FAM227A: variants seen among roughly 807,000 people sequenced by gnomAD.
The protein encoded by FAM227A is family with sequence similarity 227 member A.
In FAM227A, 80 loss-of-function variants were observed where a neutral mutation model predicts 74.7. That is an observed-to-expected ratio of 1.07 (90% CI 0.89 to 1.29). The LOEUF is 1.29. Ranked by LOEUF, FAM227A falls within the 50% of genes most tolerant of loss-of-function variation. FAM227A has a pLI of 0.00. For missense variants in FAM227A, 654 were observed against 683.4 expected, an observed-to-expected ratio of 0.96 and a Z score of 0.48; for synonymous variants, 237 against 241.8, an observed-to-expected ratio of 0.98 and a Z score of 0.19.
At chr22:38,601,095 A>G (rs1014884811) in intron 13 of FAM227A, among the ~76,000 whole-genome samples, 2 of 152,242 alleles carry the variant, frequency 1.3e-5, no homozygotes, top group African/African-American at 4.8e-5. Flanking sequence ...CTGGAGATTC[A>G]GCAGAGAACA....
At position 38,582,473 on chromosome 22, in the gene FAM227A, T is replaced by G. The variant is rs907773840; in HGVS notation, c.*3652A>C. 1.3e-6 allele frequency: 2 copies of G among 1,494,562 alleles called. No individual in the cohort carries two copies. The highest frequency in any genetic ancestry group is 1.8e-6 in the Non-Finnish European group (2 of 1,099,496). 92.6% of individuals were successfully genotyped at this position (1,494,562 alleles called of 1,614,324 possible). A position where few individuals can be genotyped will look rare whatever the true frequency, so the allele number is the denominator to read the frequency against. The stretch of plus-strand genomic sequence containing the variant: ...ATCCCACATTACAGCAAATGCTTTT[T>G]AAATGTTAGTTCCCTTTGATGCTCT... On this transcript the variant is annotated 3_prime_UTR_variant, in exon 17 of 17. Coordinates refer to ENST00000535113, the MANE Select transcript of FAM227A (RefSeq NM_001013647.2).
rs780955063 is a variant in FAM227A at position 38,650,375 on chromosome 22, G to C, written c.-94-113C>G. On this transcript the variant is annotated intron_variant, in intron 1 of 16. Coordinates refer to ENST00000535113, the MANE Select transcript of FAM227A (RefSeq NM_001013647.2). ...AAAGCACATGTCCCATGCCTGCATGGGGAATGAAAGGGTTCCGTCTGAGAA... is the reference window on the plus strand; with the variant it reads ...AAAGCACATGTCCCATGCCTGCATGCGGAATGAAAGGGTTCCGTCTGAGAA... 3.6e-5 allele frequency: 20 copies of C among 557,504 alleles called. No homozygotes were observed. In the African/African-American group the frequency reaches 3.8e-4, roughly 11 times the overall value. 34.5% of individuals were successfully genotyped at this position (557,504 alleles called of 1,614,324 possible). A position where few individuals can be genotyped will look rare whatever the true frequency, so the allele number is the denominator to read the frequency against.
At chr22:38,626,096 A>G in intron 9 of FAM227A, 84 bp downstream of exon 9, 1 of 1,400,376 alleles carries the variant, frequency 7.1e-7, no homozygotes, top group Non-Finnish European at 9.8e-7. Context: ...AAGGGGTGTC[A>G]TAGCAAACAA....
chr22:38,639,072 C>G (rs1430993711), intron 4 of FAM227A, among the ~76,000 whole-genome samples: 2 of 151,836 alleles, frequency 1.3e-5, no homozygotes, highest in African/African-American at 4.8e-5. Flanking sequence ...GTTTCCTCAT[C>G]TATAAAATAT....
At chr22:38,651,316 C>T (rs1202318204) in intron 1 of FAM227A, among the ~76,000 whole-genome samples, 1 of 152,210 alleles carries the variant, frequency 6.6e-6, no homozygotes, top group Non-Finnish European at 1.5e-5. Flanking sequence ...CTGCTTTCTC[C>T]ACTAGGCAAA....
At chr22:38,637,943 G>C (rs1251428436) in intron 5 of FAM227A, among the ~76,000 whole-genome samples, 1 of 152,196 alleles carries the variant, frequency 6.6e-6, no homozygotes, top group East Asian at 1.9e-4. Context: ...GAGATGGACA[G>C]ATCACTTGAG....
chr22:38,646,601 T>C (rs999019349), intron 2 of FAM227A, among the ~76,000 whole-genome samples: 2 of 151,856 alleles, frequency 1.3e-5, no homozygotes, highest in African/African-American at 4.8e-5. Context: ...GTATTTACAA[T>C]CTGAGTGTAC....
chr22:38,611,338 G>A (rs1158403399), intron 11 of FAM227A, among the ~76,000 whole-genome samples: 1 of 152,166 alleles, frequency 6.6e-6, no homozygotes, highest in Non-Finnish European at 1.5e-5. Context: ...ACAATCTAGG[G>A]ATGCCTAGAA....
chr22:38,639,636 C>A lies in FAM227A; in HGVS notation c.295+19G>T. 6.4e-7 allele frequency: 1 copy of A among 1,551,338 alleles called. No homozygotes were observed. Among genetic ancestry groups the A allele is most frequent in the Non-Finnish European group, 8.7e-7 (1 of 1,146,628 alleles). On this transcript the variant is annotated intron_variant, in intron 4 of 16. Transcript: ENST00000535113. ...AAACCCCATGAAAAGAGCATCAAGG[C>A]TGAGGGAAAGGTTTTTGCCTTTGTC...
intron 13 of FAM227A, 137 bp downstream of exon 13, chr22:38,605,117 T>G: frequency 1.8e-6 from 1 of 568,288 alleles, no homozygotes; most frequent in South Asian, 2.4e-5. Context: ...TAGAAGAAAA[T>G]GCACTGTTTG....
In FAM227A at chr22:38,656,300, C is replaced by T. The variant is rs1374742865; in HGVS notation, c.-275G>A. On this transcript the variant is annotated 5_prime_UTR_variant, in exon 1 of 17. Transcript: ENST00000535113. ...AGTTGGGGAGAGGCCCATTTTGCTACTCTGAGTCCAGGCGTTCTCTAGGCA... is the reference window on the plus strand; with the variant it reads ...AGTTGGGGAGAGGCCCATTTTGCTATTCTGAGTCCAGGCGTTCTCTAGGCA... The T allele has an allele frequency of 6.6e-6, 1 of 152,370 alleles. No homozygotes were observed. Among genetic ancestry groups the T allele is most frequent in the Non-Finnish European group, 1.5e-5 (1 of 68,168 alleles). The allele number at this position is 152,370 out of a possible 1,614,324, so 9.4% of individuals were successfully genotyped here.
intron 4 of FAM227A, among the ~76,000 whole-genome samples, chr22:38,639,167 T>C (rs777608016): frequency 6.6e-6 from 1 of 152,084 alleles, no homozygotes; most frequent in South Asian, 2.1e-4. Context: ...CCCAGCACTT[T>C]GGGAGGCTGA....
chr22:38,608,155 CAAAAA>C (rs35387385), intron 11 of FAM227A, among the ~76,000 whole-genome samples: 1 of 76,876 alleles, frequency 1.3e-5, no homozygotes, highest in South Asian at 4.7e-4. Context: ...CTTTTCTCTA[CAAAAA>C]AAAAAAAAAA....
chr22:38,616,661 C>T (rs1163911228), intron 11 of FAM227A, among the ~76,000 whole-genome samples: 2 of 146,168 alleles, frequency 1.4e-5, no homozygotes, highest in South Asian at 4.3e-4. Context: ...AGCGAAACTC[C>T]ATCTCAAAAA....
At chr22:38,639,976 T>A (rs906286712) in intron 3 of FAM227A, among the ~76,000 whole-genome samples, 1 of 152,166 alleles carries the variant, frequency 6.6e-6, no homozygotes, top group Non-Finnish European at 1.5e-5. Flanking sequence ...GAATTAGAAA[T>A]TAAACAAGCT....
Position 38,598,042 on chromosome 22 carries a change from C to CAAAAA in FAM227A, c.1380-691_1380-687dup, listed in dbSNP as rs59018974. Among the ~76,000 whole-genome samples, 76 of 83,802 alleles carry CAAAAA rather than the reference C, an allele frequency of 9.1e-4. 2 individuals are homozygous for CAAAAA. Among genetic ancestry groups the CAAAAA allele is most frequent in the Middle Eastern group, 7.0e-3 (1 of 142 alleles). The allele number at this position is 83,802 out of a possible 152,430, so 55.0% of individuals were successfully genotyped here. On this transcript the variant is annotated intron_variant, in intron 14 of 16. Transcript: ENST00000535113. ...TAGGCAACAGAGTGAGACTCTGTCT[C>CAAAAA]AAAAAAAAAAAAAAAAAAGAAAATT...
chr22:38,599,772 C>T lies in FAM227A; in HGVS notation c.1371G>A (p.Thr457=), dbSNP rs1392505880. 6.4e-6 allele frequency: 10 copies of T among 1,550,930 alleles called. No homozygotes were observed. The highest frequency in any genetic ancestry group is 6.0e-5 in the South Asian group (5 of 83,936). The change falls in exon 14 of 17, where the codon ACG becomes ACA. Residue 457 remains threonine (T), a synonymous_variant. Coordinates refer to ENST00000535113, the MANE Select transcript of FAM227A (RefSeq NM_001013647.2). ...CACAGTGACAAGGATATGGGGTGCT[C>T]GTGGTCTTTTCCCTTCTGACTATCA... ...NVLIVRREKT[T]STPDCTPTYT... is the part of the protein sequence containing the mutation.
intron 8 of FAM227A, among the ~76,000 whole-genome samples, chr22:38,626,905 T>TATATAC (rs1569220978): frequency 9.4e-6 from 1 of 106,834 alleles, no homozygotes; most frequent in African/African-American, 3.7e-5. Flanking sequence ...TATATATATA[T>TATATAC]ATATATATAC....
At chr22:38,615,585 C>T (rs1027552858) in intron 11 of FAM227A, among the ~76,000 whole-genome samples, 12 of 152,166 alleles carry the variant, frequency 7.9e-5, no homozygotes, top group African/African-American at 2.2e-4. Context: ...AGACCTGGCA[C>T]GTCCAAGAGG....
Sources: allele counts gnomAD v4.1 joint callset (sites outside exome capture counted in the v4.1 genomes callset), GRCh38; gene constraint gnomAD v4.1.1; transcripts MANE v1.5; gene names NCBI Gene and HGNC (gene_info 2026-07-23, HGNC 2026-07-21).